Variants in ZCCHC7 observed in about 807,000 individuals in gnomAD.
ZCCHC7 encodes the protein zinc finger CCHC-type containing 7.
ZCCHC7 carries 35 observed loss-of-function variants against 52.0 expected under a neutral mutation model. That is an observed-to-expected ratio of 0.67 (90% CI 0.51 to 0.89). The LOEUF (loss-of-function observed/expected upper bound fraction) is 0.89, where lower values mean the gene tolerates loss of function less well. Ranked by LOEUF, ZCCHC7 falls within the 40% of genes least tolerant of loss-of-function variation. The probability of loss-of-function intolerance (pLI) is 0.00; values close to 1 mark genes in which losing one functional copy is unlikely to be tolerated. For synonymous variants in ZCCHC7, 217 were observed against 221.5 expected (o/e 0.98, Z 0.18); for missense variants, 574 against 649.1 (o/e 0.88, Z 1.26).
At chr9:37,355,720 G>A (rs933898496) in intron 8 of ZCCHC7, among the ~76,000 whole-genome samples, 7 of 152,162 alleles carry the variant, frequency 4.6e-5, no homozygotes, top group South Asian at 2.1e-4. Flanking sequence ...GTAGCCGTTC[G>A]TATACACAAG....
At chr9:37,292,262 A>G (rs1273107193) in intron 2 of ZCCHC7, among the ~76,000 whole-genome samples, 1 of 152,192 alleles carries the variant, frequency 6.6e-6, no homozygotes, top group Non-Finnish European at 1.5e-5. Flanking sequence ...GGACCCAGAT[A>G]GTGAATGGTG....
chr9:37,130,962 A>C (rs938166733), intron 2 of ZCCHC7, among the ~76,000 whole-genome samples: 1 of 152,210 alleles, frequency 6.6e-6, no homozygotes, highest in African/African-American at 2.4e-5. Context: ...CTAAATTTGT[A>C]GTAAATTTGA....
intron 2 of ZCCHC7, among the ~76,000 whole-genome samples, chr9:37,198,325 A>C (rs1372090505): frequency 3.3e-5 from 5 of 152,238 alleles, no homozygotes; most frequent in Admixed American, 3.3e-4. Flanking sequence ...CAACCAGAGT[A>C]ATCTTTGTAA....
At chr9:37,356,308 C>T (rs1296836006) in intron 8 of ZCCHC7, among the ~76,000 whole-genome samples, 1 of 152,202 alleles carries the variant, frequency 6.6e-6, no homozygotes, top group Non-Finnish European at 1.5e-5. Context: ...CTCTAAGATA[C>T]CCGCACTCAC....
intron 2 of ZCCHC7, among the ~76,000 whole-genome samples, chr9:37,164,618 A>G (rs1170197843): frequency 1.3e-5 from 2 of 152,082 alleles, no homozygotes; most frequent in Non-Finnish European, 2.9e-5. Context: ...GTCTCCCTCT[A>G]TTGCCCAGGC....
At chr9:37,239,931 G>A (rs1825808869) in intron 2 of ZCCHC7, among the ~76,000 whole-genome samples, 1 of 151,876 alleles carries the variant, frequency 6.6e-6, no homozygotes, top group Admixed American at 6.6e-5. Context: ...AAAACATATG[G>A]GAACCATTCA....
intron 2 of ZCCHC7, among the ~76,000 whole-genome samples, chr9:37,194,350 T>C (rs1823175296): frequency 6.6e-6 from 1 of 152,118 alleles, no homozygotes. Flanking sequence ...GGTAGGTCAA[T>C]GTAGAGTTAA....
chr9:37,213,750 T>C (rs1824361538), intron 2 of ZCCHC7, among the ~76,000 whole-genome samples: 1 of 152,126 alleles, frequency 6.6e-6, no homozygotes, highest in Non-Finnish European at 1.5e-5. Flanking sequence ...CCTTTCCTTA[T>C]TGTAAAATTG....
intron 2 of ZCCHC7, among the ~76,000 whole-genome samples, chr9:37,261,013 G>T (rs1328250516): frequency 6.6e-6 from 1 of 152,088 alleles, no homozygotes; most frequent in Non-Finnish European, 1.5e-5. Flanking sequence ...GAAGGAAAGG[G>T]ATCATAGATT....
chr9:37,217,036 C>A (rs183514351), intron 2 of ZCCHC7, among the ~76,000 whole-genome samples: 53 of 152,116 alleles, frequency 3.5e-4, no homozygotes, highest in Admixed American at 6.5e-4. Flanking sequence ...CAATAATATT[C>A]CTACAAGGCT....
intron 1 of ZCCHC7, chr9:37,121,770 A>G (rs952602739): frequency 1.3e-5 from 2 of 152,200 alleles, no homozygotes; most frequent in African/African-American, 2.4e-5. Context: ...TATATATCCC[A>G]AGAAGAGCTG....
intron 2 of ZCCHC7, among the ~76,000 whole-genome samples, chr9:37,165,944 A>G (rs547621361): frequency 1.3e-5 from 2 of 152,350 alleles, no homozygotes; most frequent in African/African-American, 4.8e-5. Flanking sequence ...AGGTGAGTTT[A>G]TAATTGCAAA....
intron 3 of ZCCHC7, among the ~76,000 whole-genome samples, chr9:37,303,375 G>A (rs1213181508): frequency 2.0e-5 from 3 of 150,878 alleles, no homozygotes; most frequent in Non-Finnish European, 2.9e-5. Flanking sequence ...GCAGTGAGTC[G>A]AGATCACGCC....
chr9:37,164,070 TG>T (rs1187207679), intron 2 of ZCCHC7, among the ~76,000 whole-genome samples: 1 of 152,228 alleles, frequency 6.6e-6, no homozygotes, highest in Admixed American at 6.5e-5. Flanking sequence ...AGTTAGATAG[TG>T]TTAATCCTCC....
intron 2 of ZCCHC7, among the ~76,000 whole-genome samples, chr9:37,261,202 T>C (rs776156358): frequency 7.9e-5 from 12 of 152,296 alleles, no homozygotes; most frequent in Non-Finnish European, 1.5e-4. Context: ...ATAGCCTCAT[T>C]TGTCATTTTT....
chr9:37,137,936 T>C (rs1843067167), intron 2 of ZCCHC7, among the ~76,000 whole-genome samples: 1 of 152,340 alleles, frequency 6.6e-6, no homozygotes, highest in Admixed American at 6.5e-5. Flanking sequence ...TATTGCCATG[T>C]GACATACTTC....
chr9:37,288,758 G>A (rs958793685), intron 2 of ZCCHC7, among the ~76,000 whole-genome samples: 1 of 151,994 alleles, frequency 6.6e-6, no homozygotes, highest in Non-Finnish European at 1.5e-5. Context: ...GTGTTTAGTT[G>A]GTTACGGGGC....
At chr9:37,251,575 A>T (rs1826330654) in intron 2 of ZCCHC7, among the ~76,000 whole-genome samples, 1 of 152,178 alleles carries the variant, frequency 6.6e-6, no homozygotes, top group African/African-American at 2.4e-5. Context: ...TTTCTTTGTC[A>T]GAGGGCTCCC....
chr9:37,266,121 T>C (rs903593333), intron 2 of ZCCHC7, among the ~76,000 whole-genome samples: 4 of 152,242 alleles, frequency 2.6e-5, no homozygotes, highest in Non-Finnish European at 4.4e-5. Context: ...AACAACACTT[T>C]AATTCCTTTT....
Sources: allele counts gnomAD v4.1 joint callset (sites outside exome capture counted in the v4.1 genomes callset), GRCh38; gene constraint gnomAD v4.1.1; transcripts MANE v1.5; gene names NCBI Gene and HGNC (gene_info 2026-07-23, HGNC 2026-07-21).